The following SCARB1 variants were observed in gnomAD, a reference collection of about 807,000 sequenced individuals.
SCARB1 encodes the protein CD36 and LIMPII analogous 1.
In SCARB1, 30 loss-of-function variants were observed where a neutral mutation model predicts 57.2. The ratio of observed to expected loss-of-function variants is 0.52; its 90% CI spans 0.39 to 0.71. The LOEUF (loss-of-function observed/expected upper bound fraction) is 0.71, where lower values mean the gene tolerates loss of function less well. Among genes scored for constraint, SCARB1 ranks in the 30% least tolerant of loss-of-function variants. SCARB1 has a pLI of 0.00. For missense variants in SCARB1, 543 were observed against 671.2 expected, an observed-to-expected ratio of 0.81 and a Z score of 2.11; for synonymous variants, 249 against 268.3, an observed-to-expected ratio of 0.93 and a Z score of 0.70.
intron 11 of SCARB1, chr12:124,785,963 C>T: frequency 1.3e-5 from 15 of 1,148,394 alleles, no homozygotes; most frequent in East Asian, 2.6e-5. Flanking sequence ...GGGATGCCAG[C>T]CCCCCTCAAT....
At position 124,795,192 on chromosome 12, in the gene SCARB1, C is replaced by T; in HGVS notation, c.1202+3G>A. Reference sequence around the variant, plus strand: ...GCAGCCCCAGCTCCCAGTCCCCACTCACCCAATGCCTGCGACAGATTTCAT... The same window carrying T: ...GCAGCCCCAGCTCCCAGTCCCCACTTACCCAATGCCTGCGACAGATTTCAT... On this transcript the variant is annotated splice_donor_region_variant and intron_variant, in intron 9 of 12. Coordinates refer to ENST00000261693, the MANE Select transcript of SCARB1 (RefSeq NM_005505.5). The T allele has an allele frequency of 6.2e-7, 1 of 1,612,620 alleles. No homozygotes were observed. Among genetic ancestry groups the T allele is most frequent in the Non-Finnish European group, 8.5e-7 (1 of 1,178,686 alleles).
rs747280593 is a variant in SCARB1, at chr12:124,782,744, T to A, written c.1469A>T (p.Tyr490Phe). The change falls in exon 12 of 13, where the codon TAT (tyrosine) becomes TTT (phenylalanine). Residue 490 changes from tyrosine (Y) to phenylalanine (F), a missense_variant. Physicochemically the swap from Tyr to Phe is conservative, Grantham distance 22. Coordinates refer to ENST00000261693, the MANE Select transcript of SCARB1 (RefSeq NM_005505.5). ...AGCTGATGTCATCAGGGATTCAGAA[T>A]AGGCCTGAATGGCCTCCTTATCCTT... Reference protein sequence around the residue: ...GSKDKEAIQAYSESLMTSAPK... With the variant: ...GSKDKEAIQAFSESLMTSAPK... 3 of 1,613,012 alleles carry A rather than the reference T, an allele frequency of 1.9e-6. No homozygotes were observed. The South Asian group carries it at 3.3e-5, about 18-fold the overall frequency.
chr12:124,803,898 T>C (rs1950232376), intron 7 of SCARB1, among the ~76,000 whole-genome samples: 1 of 151,936 alleles, frequency 6.6e-6, no homozygotes, highest in Non-Finnish European at 1.5e-5. Flanking sequence ...TATAAATAAA[T>C]ATAAGAAAAA....
intron 8 of SCARB1, among the ~76,000 whole-genome samples, chr12:124,797,531 T>A (rs769050585): frequency 6.6e-6 from 1 of 152,230 alleles, no homozygotes; most frequent in Non-Finnish European, 1.5e-5. Flanking sequence ...GAGGTAGAAT[T>A]GGACGCAGCA....
chr12:124,809,650 C>T (rs563314996), intron 6 of SCARB1, among the ~76,000 whole-genome samples: 1 of 152,124 alleles, frequency 6.6e-6, no homozygotes, highest in Non-Finnish European at 1.5e-5. Context: ...AGTCAAGGTC[C>T]ACATGAGTGA....
At chr12:124,855,053 G>A (rs558340878) in intron 1 of SCARB1, among the ~76,000 whole-genome samples, 1 of 152,314 alleles carries the variant, frequency 6.6e-6, no homozygotes, top group African/African-American at 2.4e-5. Flanking sequence ...GGGAGATGAG[G>A]AGGCATCAGC....
At chr12:124,831,174 T>C (rs928432298) in intron 1 of SCARB1, among the ~76,000 whole-genome samples, 2 of 152,178 alleles carry the variant, frequency 1.3e-5, no homozygotes, top group Admixed American at 1.3e-4. Context: ...AGACGGGGTT[T>C]TGCCAAATTG....
intron 9 of SCARB1, among the ~76,000 whole-genome samples, chr12:124,794,668 C>T (rs534054146): frequency 1.3e-5 from 2 of 152,290 alleles, no homozygotes; most frequent in East Asian, 1.9e-4. Flanking sequence ...CGGTGGCTCA[C>T]GCCTGCAATC....
At chr12:124,862,625 T>G (rs2046294010) in intron 1 of SCARB1, 1 of 152,220 alleles carries the variant, frequency 6.6e-6, no homozygotes, top group South Asian at 2.1e-4. Context: ...ACCCCAGCTC[T>G]GCATCTGGCT....
chr12:124,844,263 A>T (rs1363285279), intron 1 of SCARB1, among the ~76,000 whole-genome samples: 1 of 152,144 alleles, frequency 6.6e-6, no homozygotes, highest in Admixed American at 6.5e-5. Context: ...AGCACGAGGA[A>T]TGTTGACACG....
At chr12:124,840,611 C>T (rs890530788) in intron 1 of SCARB1, among the ~76,000 whole-genome samples, 15 of 152,166 alleles carry the variant, frequency 9.9e-5, no homozygotes, top group African/African-American at 4.8e-5. Context: ...CTCCCTCCCC[C>T]GATCTTCTCG....
chr12:124,820,363 G>C (rs551972992), intron 1 of SCARB1, among the ~76,000 whole-genome samples: 1 of 152,152 alleles, frequency 6.6e-6, no homozygotes, highest in Non-Finnish European at 1.5e-5. Context: ...CCAATAGTTG[G>C]AGGGCACTGA....
intron 1 of SCARB1, among the ~76,000 whole-genome samples, chr12:124,834,913 C>T (rs557592531): frequency 2.6e-5 from 4 of 151,774 alleles, no homozygotes; most frequent in East Asian, 1.9e-4. Context: ...GTCCACCCCC[C>T]CAAAAAAAAG....
chr12:124,834,184 G>A (rs1168732687), intron 1 of SCARB1, among the ~76,000 whole-genome samples: 1 of 152,238 alleles, frequency 6.6e-6, no homozygotes, highest in African/African-American at 2.4e-5. Flanking sequence ...CCAGAGCCAG[G>A]GGTCTTGTCA....
At chr12:124,794,278 GTTAT>G (rs1264566823) in intron 9 of SCARB1, among the ~76,000 whole-genome samples, 2 of 151,558 alleles carry the variant, frequency 1.3e-5, no homozygotes, top group East Asian at 3.9e-4. Context: ...TATTAGGGGG[GTTAT>G]TTTTTTTATT....
intron 1 of SCARB1, among the ~76,000 whole-genome samples, chr12:124,848,834 C>A (rs532299593): frequency 6.6e-6 from 1 of 152,288 alleles, no homozygotes; most frequent in Non-Finnish European, 1.5e-5. Flanking sequence ...GCGATGACAG[C>A]GTGAGAAACC....
At chr12:124,805,123 G>C (rs1425542017) in intron 7 of SCARB1, among the ~76,000 whole-genome samples, 1 of 113,874 alleles carries the variant, frequency 8.8e-6, no homozygotes, top group African/African-American at 5.4e-5. Context: ...ACAAGAAGAG[G>C]AAGACAAGAA....
intron 1 of SCARB1, chr12:124,839,571 G>A (rs1442159719): frequency 2.1e-6 from 2 of 970,070 alleles, no homozygotes; most frequent in African/African-American, 1.8e-5. Flanking sequence ...CAGAAGTGGG[G>A]TTGCCCCACC....
intron 9 of SCARB1, among the ~76,000 whole-genome samples, chr12:124,791,884 G>A (rs1392139644): frequency 2.0e-5 from 3 of 151,958 alleles, no homozygotes; most frequent in Non-Finnish European, 4.4e-5. Context: ...TGAACCCGAG[G>A]CGGAGGTTGC....
Sources: allele counts gnomAD v4.1 joint callset (sites outside exome capture counted in the v4.1 genomes callset), GRCh38; gene constraint gnomAD v4.1.1; transcripts MANE v1.5; gene names NCBI Gene and HGNC (gene_info 2026-07-23, HGNC 2026-07-21).